FSTL5: variants seen among roughly 807,000 people sequenced by gnomAD.
FSTL5 encodes the protein follistatin like 5, also known as follistatin-related protein 5.
FSTL5 carries 62 observed loss-of-function variants against 89.1 expected under a neutral mutation model. The observed-to-expected ratio is 0.70, with a 90% CI of 0.57 to 0.86. FSTL5 has a LOEUF of 0.86. Ranked by LOEUF, FSTL5 falls within the 40% of genes least tolerant of loss-of-function variation. The pLI is 0.00. For synonymous variants in FSTL5, 383 were observed against 346.2 expected (o/e 1.11, Z -1.18); for missense variants, 1,057 against 1,001.6 (o/e 1.06, Z -0.75).
intron 7 of FSTL5, among the ~76,000 whole-genome samples, chr4:161,633,373 C>A (rs1735568325): frequency 6.6e-6 from 1 of 150,598 alleles, no homozygotes; most frequent in East Asian, 2.0e-4. Context: ...CCAAGTCTCG[C>A]TCTGTCCTCT....
intron 7 of FSTL5, among the ~76,000 whole-genome samples, chr4:161,619,428 C>T (rs1225875664): frequency 2.6e-5 from 4 of 152,048 alleles, no homozygotes; most frequent in Non-Finnish European, 5.9e-5. Context: ...AGATAATTTT[C>T]CCAACCTACT....
chr4:162,099,478 A>G (rs1397632343), intron 2 of FSTL5, among the ~76,000 whole-genome samples: 1 of 152,156 alleles, frequency 6.6e-6, no homozygotes, highest in African/African-American at 2.4e-5. Context: ...AATATAAGAT[A>G]ATGTAGGAGC....
chr4:161,959,712 TTAA>T (rs1364401460), intron 3 of FSTL5, among the ~76,000 whole-genome samples: 6 of 152,190 alleles, frequency 3.9e-5, no homozygotes, highest in African/African-American at 1.4e-4. Flanking sequence ...CATTGTTGTG[TTAA>T]TAATGTTTCT....
At chr4:161,526,639 G>C (rs1731229070) in intron 10 of FSTL5, among the ~76,000 whole-genome samples, 1 of 152,102 alleles carries the variant, frequency 6.6e-6, no homozygotes, top group Admixed American at 6.6e-5. Flanking sequence ...TTTAAGGAAG[G>C]GATCCAGTTT....
chr4:161,458,919 T>C lies in FSTL5; in HGVS notation c.1716+293A>G, dbSNP rs376825036. On this transcript the variant is annotated intron_variant, in intron 14 of 15. Coordinates refer to ENST00000306100, the MANE Select transcript of FSTL5 (RefSeq NM_020116.5). ...CTCTATTGTACTTGCCTTACCAAAA[T>C]TGTTAAAAAGTAAATTATGACTTTC... Among the ~76,000 whole-genome samples, 26 of 152,346 alleles carry C rather than the reference T, an allele frequency of 1.7e-4. No homozygotes were observed. In the East Asian group the frequency reaches 3.1e-3, roughly 18 times the overall value.
chr4:161,498,972 G>A (rs1234661274), intron 12 of FSTL5, among the ~76,000 whole-genome samples: 4 of 152,062 alleles, frequency 2.6e-5, no homozygotes, highest in Non-Finnish European at 5.9e-5. Flanking sequence ...AGGCCGAGGA[G>A]GGTGCATCAC....
chr4:161,521,674 C>T (rs764460884), intron 10 of FSTL5, among the ~76,000 whole-genome samples: 1 of 151,566 alleles, frequency 6.6e-6, no homozygotes, highest in African/African-American at 2.4e-5. Flanking sequence ...CGGTGAAACC[C>T]CGTCTCTACT....
intron 6 of FSTL5, among the ~76,000 whole-genome samples, chr4:161,720,688 A>G: frequency 6.6e-6 from 1 of 152,230 alleles, no homozygotes; most frequent in East Asian, 1.9e-4. Flanking sequence ...CAGCCCTAAT[A>G]TATAAATAAA....
At chr4:161,753,337 C>T (rs1020647493) in intron 6 of FSTL5, among the ~76,000 whole-genome samples, 1 of 152,148 alleles carries the variant, frequency 6.6e-6, no homozygotes, top group Non-Finnish European at 1.5e-5. Flanking sequence ...ACACCATTCA[C>T]CTTAGTAGGC....
intron 1 of FSTL5, among the ~76,000 whole-genome samples, chr4:162,115,269 G>T (rs1223553651): frequency 6.6e-6 from 1 of 152,032 alleles, no homozygotes; most frequent in African/African-American, 2.4e-5. Context: ...ATTAAAAAAT[G>T]GCTCTTCTCA....
chr4:162,042,367 T>G (rs1250882951), intron 2 of FSTL5, among the ~76,000 whole-genome samples: 1 of 152,120 alleles, frequency 6.6e-6, no homozygotes, highest in African/African-American at 2.4e-5. Context: ...AATCAAAACA[T>G]GCAGTGTCAA....
At chr4:161,549,757 C>T (rs1053951358) in intron 8 of FSTL5, among the ~76,000 whole-genome samples, 1 of 151,980 alleles carries the variant, frequency 6.6e-6, no homozygotes, top group Non-Finnish European at 1.5e-5. Flanking sequence ...AACTACCTGA[C>T]ATCCTTTTCT....
At chr4:162,014,487 T>G (rs901227020) in intron 3 of FSTL5, among the ~76,000 whole-genome samples, 2 of 152,194 alleles carry the variant, frequency 1.3e-5, no homozygotes, top group African/African-American at 4.8e-5. Context: ...ATAATTTAGA[T>G]GATGATGTTA....
At chr4:161,853,260 T>TTTGTTG (rs529478220) in intron 4 of FSTL5, among the ~76,000 whole-genome samples, 1 of 151,920 alleles carries the variant, frequency 6.6e-6, no homozygotes, top group Non-Finnish European at 1.5e-5. Context: ...AAGTGACTTG[T>TTTGTTG]TTGTTGTTGT....
At chr4:161,453,174 C>T (rs1337131905) in intron 15 of FSTL5, among the ~76,000 whole-genome samples, 13 of 152,066 alleles carry the variant, frequency 8.5e-5, no homozygotes, top group Non-Finnish European at 2.9e-5. Flanking sequence ...CACAATTATA[C>T]CTAGTAGTGT....
intron 4 of FSTL5, among the ~76,000 whole-genome samples, chr4:161,861,718 T>A (rs1056191625): frequency 6.6e-6 from 1 of 152,208 alleles, no homozygotes; most frequent in East Asian, 1.9e-4. Context: ...ATTCAACTTA[T>A]TTCAAGCAAT....
chr4:162,007,986 G>A (rs558635428), intron 3 of FSTL5, among the ~76,000 whole-genome samples: 1 of 151,840 alleles, frequency 6.6e-6, no homozygotes, highest in Non-Finnish European at 1.5e-5. Context: ...AGTATAAGAG[G>A]AACTTTGGAC....
chr4:161,539,179 C>T (rs993394723), intron 9 of FSTL5, among the ~76,000 whole-genome samples: 1 of 151,048 alleles, frequency 6.6e-6, no homozygotes, highest in African/African-American at 2.4e-5. Flanking sequence ...TGTGTGCATG[C>T]CTGTGTGGGT....
chr4:161,851,317 T>A (rs1731541996), intron 4 of FSTL5, among the ~76,000 whole-genome samples: 1 of 152,152 alleles, frequency 6.6e-6, no homozygotes, highest in South Asian at 2.1e-4. Context: ...ACAACATATA[T>A]CTAAATGTGG....
Sources: allele counts gnomAD v4.1 joint callset (sites outside exome capture counted in the v4.1 genomes callset), GRCh38; gene constraint gnomAD v4.1.1; transcripts MANE v1.5; gene names NCBI Gene and HGNC (gene_info 2026-07-23, HGNC 2026-07-21).